KLHL14: variants seen among roughly 807,000 people sequenced by gnomAD.
KLHL14 encodes kelch like family member 14, also known as kelch-like protein 14.
KLHL14 carries 22 observed loss-of-function variants against 64.3 expected under a neutral mutation model. That is an observed-to-expected ratio of 0.34 (90% confidence interval 0.24 to 0.49). KLHL14 has a LOEUF of 0.49. Among genes scored for constraint, KLHL14 ranks in the 20% least tolerant of loss-of-function variants. The pLI is 0.99. For missense variants in KLHL14, 661 were observed against 789.0 expected (o/e 0.84, Z 1.94); for synonymous variants, 322 against 333.4 (o/e 0.97, Z 0.37).
intron 2 of KLHL14, among the ~76,000 whole-genome samples, chr18:32,765,114 G>GT (rs1192397701): frequency 6.6e-6 from 1 of 152,112 alleles, no homozygotes; most frequent in African/African-American, 2.4e-5. Context: ...CTGTGCATCA[G>GT]TTTTTTATCT....
At chr18:32,764,992 C>T (rs116951468) in intron 2 of KLHL14, among the ~76,000 whole-genome samples, 22 of 152,146 alleles carry the variant, frequency 1.4e-4, no homozygotes, top group Non-Finnish European at 2.8e-4. Flanking sequence ...AGATTTCAGC[C>T]TGGCTAGCAT....
At chr18:32,742,078 T>G (rs767235861) in intron 2 of KLHL14, 29 bp from the exon 3 acceptor site, 1 of 1,609,040 alleles carries the variant, frequency 6.2e-7, no homozygotes, top group South Asian at 1.1e-5. Flanking sequence ...AGGAGATGAA[T>G]AACCACATTA....
chr18:32,710,891 G>T (rs926288991), intron 3 of KLHL14, among the ~76,000 whole-genome samples: 10 of 151,992 alleles, frequency 6.6e-5, no homozygotes, highest in African/African-American at 2.4e-4. Flanking sequence ...CTGGCGTGTA[G>T]TGGAGGTGTA....
chr18:32,693,413 C>CACACACAGAGAG (rs1229737083), intron 4 of KLHL14, among the ~76,000 whole-genome samples: 32 of 97,036 alleles, frequency 3.3e-4, no homozygotes, highest in African/African-American at 1.5e-3. Flanking sequence ...CACACACACA[C>CACACACAGAGAG]AGAGAGAGAG....
At position 32,680,224 on chromosome 18, in the gene KLHL14, G is replaced by A. The variant is rs2049831393; in HGVS notation, c.1533C>T (p.His511=). 1.2e-6 allele frequency: 2 copies of A among 1,613,694 alleles called. No homozygotes were observed. The highest frequency in any genetic ancestry group is 1.7e-5 in the Admixed American group (1 of 59,952). Residue 511 remains histidine, a synonymous_variant, in exon 7 of 9, where the codon CAC becomes CAT. Transcript: ENST00000359358. This position sits in a 1 kb window ranked among gnomAD's most constrained non-coding sequence, Gnocchi z 4.8. ...KQDMNTKRAI[H]TLAVMNDRLY... is the part of the protein sequence containing the mutation. ...AGCGATCATTCATTACAGCCAAAGTGTGAATTGCACGTTTTGTGTTCATAT... is the reference window on the plus strand; with the variant it reads ...AGCGATCATTCATTACAGCCAAAGTATGAATTGCACGTTTTGTGTTCATAT...
intron 4 of KLHL14, among the ~76,000 whole-genome samples, chr18:32,687,516 T>C (rs553875266): frequency 1.3e-5 from 2 of 152,308 alleles, no homozygotes; most frequent in East Asian, 1.9e-4. Context: ...AAACTGGCTT[T>C]TGTTACAGTG....
chr18:32,755,942 C>T (rs1029122229), intron 2 of KLHL14, among the ~76,000 whole-genome samples: 6 of 152,084 alleles, frequency 3.9e-5, no homozygotes, highest in African/African-American at 1.4e-4. Flanking sequence ...TGTTCAGCTG[C>T]CTAGATAACT....
chr18:32,769,254 T>C (rs2050363489), intron 2 of KLHL14, among the ~76,000 whole-genome samples: 1 of 152,138 alleles, frequency 6.6e-6, no homozygotes, highest in Admixed American at 6.5e-5. Flanking sequence ...CACAGGATCC[T>C]TTTTCTTGAG....
At chr18:32,711,922 T>A (rs974606763) in intron 3 of KLHL14, among the ~76,000 whole-genome samples, 14 of 152,236 alleles carry the variant, frequency 9.2e-5, no homozygotes, top group Non-Finnish European at 1.8e-4. Flanking sequence ...TAAATTTACA[T>A]CGCTATGTGA....
Position 32,683,641 on chromosome 18 carries a change from G to GC in KLHL14, c.1239-3043dup. ...ATCTCTCCCTCCTTCAGCCTCCCCT[G>GC]CCCCCACTGCCAGAAGCAATATTCA... is the stretch of plus-strand genomic sequence containing the variant. On this transcript the variant is annotated intron_variant, in intron 5 of 8. Coordinates refer to ENST00000359358, the MANE Select transcript of KLHL14 (RefSeq NM_020805.3). This position sits in a 1 kb window ranked among gnomAD's most constrained non-coding sequence, Gnocchi z 4.2. 6.6e-6 allele frequency among the ~76,000 whole-genome samples: 1 copy of GC among 152,146 alleles called. No individual in the cohort carries two copies. Among genetic ancestry groups the GC allele is most frequent in the Admixed American group, 6.6e-5 (1 of 15,256 alleles).
At chr18:32,699,134 G>A (rs550189385) in intron 3 of KLHL14, among the ~76,000 whole-genome samples, 1 of 152,112 alleles carries the variant, frequency 6.6e-6, no homozygotes, top group Non-Finnish European at 1.5e-5. Flanking sequence ...TTCTACCAGA[G>A]CAATAAAATG....
intron 2 of KLHL14, among the ~76,000 whole-genome samples, chr18:32,760,516 C>A (rs2050308960): frequency 6.6e-6 from 1 of 152,136 alleles, no homozygotes; most frequent in Non-Finnish European, 1.5e-5. Flanking sequence ...CACCTGAAGG[C>A]ACATAAGGCA....
intron 7 of KLHL14, among the ~76,000 whole-genome samples, chr18:32,679,514 A>G (rs1394449900): frequency 6.6e-6 from 1 of 152,184 alleles, no homozygotes; most frequent in Non-Finnish European, 1.5e-5. Flanking sequence ...TATCACATTC[A>G]GTGTTACATG....
At chr18:32,756,403 T>TCACACA (rs3042637) in intron 2 of KLHL14, among the ~76,000 whole-genome samples, 37,489 of 150,698 alleles carry the variant, frequency 0.25, 5,294 homozygotes, top group East Asian at 0.43. Context: ...AGAGTTTCCT[T>TCACACA]CACACACACA....
intron 5 of KLHL14, among the ~76,000 whole-genome samples, chr18:32,686,800 A>G (rs1040968053): frequency 6.6e-6 from 1 of 152,190 alleles, no homozygotes; most frequent in African/African-American, 2.4e-5. Context: ...CAAAATGCAC[A>G]TCATTGCAAG....
rs1236537422 is a variant in KLHL14 at position 32,772,985 on chromosome 18, T to C, written c.-362A>G. The C allele has an allele frequency of 1.6e-5, 3 of 191,394 alleles. No individual in the cohort carries two copies. The highest frequency in any genetic ancestry group is 3.3e-5 in the Non-Finnish European group (3 of 89,860). The allele number at this position is 191,394 out of a possible 1,614,324, so 11.9% of individuals were successfully genotyped here. ...ATGCTACCAAGAAACAACACATCAT[T>C]ATCCTTGGGCCTGGGGCTCAGTGAG... On this transcript the variant is annotated 5_prime_UTR_variant, in exon 1 of 9. It adds an upstream start codon to the 5' untranslated region. Transcript: ENST00000359358.
chr18:32,693,956 G>A (rs774508485), intron 4 of KLHL14, among the ~76,000 whole-genome samples: 6 of 151,926 alleles, frequency 3.9e-5, no homozygotes, highest in Non-Finnish European at 5.9e-5. Flanking sequence ...ACAGCAAGTA[G>A]TTACAGGTGT....
chr18:32,721,657 CTCT>C lies in KLHL14; in HGVS notation c.1069+20268_1069+20270del, dbSNP rs1399451253. ...ATAATTAATCAAACTCTTCTTCCAA[CTCT>C]TCTTTTTCACATGACTGGCTTTCCT... On this transcript the variant is annotated intron_variant, in intron 3 of 8. Coordinates refer to ENST00000359358, the MANE Select transcript of KLHL14 (RefSeq NM_020805.3). Among the ~76,000 whole-genome samples, 6 of 152,194 alleles carry C rather than the reference CTCT, an allele frequency of 3.9e-5. No homozygotes were observed. The East Asian group carries it at 1.2e-3, about 29-fold the overall frequency.
At chr18:32,745,192 T>G (rs952691296) in intron 2 of KLHL14, 45 of 152,238 alleles carry the variant, frequency 3.0e-4, no homozygotes. Flanking sequence ...CATCATTCAT[T>G]CAATTTGTCA....
Sources: allele counts gnomAD v4.1 joint callset (sites outside exome capture counted in the v4.1 genomes callset), GRCh38; gene constraint gnomAD v4.1.1; non-coding constraint Gnocchi (gnomAD v3.1); transcripts MANE v1.5; gene names NCBI Gene and HGNC (gene_info 2026-07-23, HGNC 2026-07-21).